The following NRXN1 variants were observed in gnomAD, a reference collection of about 807,000 sequenced individuals.
The protein encoded by NRXN1 is neurexin-1.
In NRXN1, 39 loss-of-function variants were observed where a neutral mutation model predicts 150.9. The observed-to-expected ratio is 0.26, with a 90% CI of 0.20 to 0.34. The LOEUF (loss-of-function observed/expected upper bound fraction) is 0.34. Among genes scored for constraint, NRXN1 ranks in the 10% least tolerant of loss-of-function variants. NRXN1 has a pLI of 1.00. For synonymous variants in NRXN1, 924 were observed against 757.0 expected (o/e 1.22, Z -3.62); for missense variants, 1,815 against 1,949.9 (o/e 0.93, Z 1.30).
At chr2:50,674,138 C>T (rs1220943560) in intron 5 of NRXN1, among the ~76,000 whole-genome samples, 3 of 152,006 alleles carry the variant, frequency 2.0e-5, no homozygotes, top group Non-Finnish European at 2.9e-5. Flanking sequence ...TGTGTAATAA[C>T]AGCCTTAGGA....
At chr2:50,467,563 A>G (rs186772867) in intron 16 of NRXN1, among the ~76,000 whole-genome samples, 65 of 151,604 alleles carry the variant, frequency 4.3e-4, no homozygotes, top group African/African-American at 1.5e-3. Flanking sequence ...AATTTTTAGT[A>G]AAGATACTCT....
chr2:50,671,844 C>A (rs900211889), intron 5 of NRXN1, among the ~76,000 whole-genome samples: 3 of 151,726 alleles, frequency 2.0e-5, no homozygotes, highest in Non-Finnish European at 4.4e-5. Flanking sequence ...CTTTAGAGAA[C>A]AATGGAAATT....
At chr2:50,089,700 G>GA (rs143089662) in intron 19 of NRXN1, among the ~76,000 whole-genome samples, 3,464 of 151,906 alleles carry the variant, frequency 0.023, 132 homozygotes, top group African/African-American at 0.079. Flanking sequence ...CAAGGAAGGA[G>GA]GATCCTGTGA....
rs993911704 is a variant in NRXN1 at position 50,908,922 on chromosome 2, G to C, written c.832+12947C>G. The stretch of plus-strand genomic sequence containing the variant: ...GCAAGAAGGCCCTCACTGGTTGCTA[G>C]TGCCATGCTCTTCGACTTCCCAGCC... On this transcript the variant is annotated intron_variant, in intron 5 of 22. Coordinates refer to ENST00000401669, the MANE Select transcript of NRXN1 (RefSeq NM_001330078.2). 3.3e-5 allele frequency among the ~76,000 whole-genome samples: 5 copies of C among 151,996 alleles called. No homozygotes were observed. The East Asian group carries it at 9.7e-4, about 30-fold the overall frequency.
chr2:50,607,606 A>G (rs931386888), intron 8 of NRXN1, among the ~76,000 whole-genome samples: 5 of 152,184 alleles, frequency 3.3e-5, no homozygotes, highest in African/African-American at 9.7e-5. Context: ...GCCTAAAAAT[A>G]AAGAATATAT....
chr2:50,373,726 A>C lies in NRXN1; in HGVS notation c.3364+91716T>G, dbSNP rs552389552. 3.3e-5 allele frequency among the ~76,000 whole-genome samples: 5 copies of C among 151,750 alleles called. No homozygotes were observed. In the East Asian group the frequency reaches 7.8e-4, roughly 24 times the overall value. ...AAGAAAGAAAGAGAAAGAAAGACAG[A>C]CAGACTAGTCACATATTCTGTATTG... is the stretch of plus-strand genomic sequence containing the variant. On this transcript the variant is annotated intron_variant, in intron 17 of 22. Transcript: ENST00000401669.
At chr2:50,431,893 A>T (rs6545169) in intron 17 of NRXN1, among the ~76,000 whole-genome samples, 1 of 151,820 alleles carries the variant, frequency 6.6e-6, no homozygotes, top group Non-Finnish European at 1.5e-5. Context: ...GCACTTTCAT[A>T]TAGTAAGGCA....
chr2:50,463,345 A>C (rs773531529), intron 17 of NRXN1, among the ~76,000 whole-genome samples: 1 of 151,842 alleles, frequency 6.6e-6, no homozygotes, highest in Non-Finnish European at 1.5e-5. Flanking sequence ...TTGAATATTG[A>C]TTTGTACCTA....
At chr2:50,070,382 G>T (rs1696065767) in intron 19 of NRXN1, among the ~76,000 whole-genome samples, 1 of 152,124 alleles carries the variant, frequency 6.6e-6, no homozygotes, top group African/African-American at 2.4e-5. Flanking sequence ...AAACACCTGT[G>T]ATCATGGGAT....
At chr2:49,970,688 T>C (rs1196934353) in intron 21 of NRXN1, 1 of 152,128 alleles carries the variant, frequency 6.6e-6, no homozygotes, top group African/African-American at 2.4e-5. Context: ...GTAACTCTAG[T>C]GTAAATTTTA....
At chr2:50,304,968 T>A (rs1382520965) in intron 17 of NRXN1, among the ~76,000 whole-genome samples, 1 of 152,094 alleles carries the variant, frequency 6.6e-6, no homozygotes, top group Non-Finnish European at 1.5e-5. Flanking sequence ...CGGGTGCCTG[T>A]AATCCCAGCT....
chr2:50,518,716 T>TA, intron 12 of NRXN1, among the ~76,000 whole-genome samples: 1 of 151,900 alleles, frequency 6.6e-6, no homozygotes, highest in Non-Finnish European at 1.5e-5. Flanking sequence ...AGCATTTTTT[T>TA]AATGAGGTCA....
intron 8 of NRXN1, among the ~76,000 whole-genome samples, chr2:50,592,214 A>G (rs1335302778): frequency 6.6e-6 from 1 of 152,254 alleles, no homozygotes; most frequent in African/African-American, 2.4e-5. Context: ...GGAAATTAAG[A>G]AACTTGTTCA....
intron 18 of NRXN1, among the ~76,000 whole-genome samples, chr2:50,125,081 ACTC>A (rs144155424): frequency 0.023 from 3,447 of 152,134 alleles, 129 homozygotes; most frequent in African/African-American, 0.079. Flanking sequence ...AGTTCTGACT[ACTC>A]CTTGAAATAG....
In NRXN1 at chr2:50,943,183, C is replaced by T. The variant is rs763099821; in HGVS notation, c.773-17228G>A. ...ATGATTGAAAGTCTCCTGAGGCCTC[C>T]CAGCCATGAGGAACTGTAAGTCAAT... On this transcript the variant is annotated intron_variant, in intron 2 of 22. Coordinates refer to ENST00000401669, the MANE Select transcript of NRXN1 (RefSeq NM_001330078.2). Among the ~76,000 whole-genome samples the T allele has an allele frequency of 9.4e-4, 143 of 152,030 alleles. 1 individual carries two copies. The highest frequency in any genetic ancestry group is 1.8e-3 in the Non-Finnish European group (123 of 68,008).
chr2:50,967,839 T>C (rs1258623476), intron 2 of NRXN1, among the ~76,000 whole-genome samples: 1 of 151,966 alleles, frequency 6.6e-6, no homozygotes, highest in Non-Finnish European at 1.5e-5. Flanking sequence ...GTCTGTGTTA[T>C]TTCTGTTAGT....
intron 12 of NRXN1, among the ~76,000 whole-genome samples, chr2:50,515,461 T>A (rs1283189015): frequency 6.6e-6 from 1 of 152,138 alleles, no homozygotes; most frequent in Non-Finnish European, 1.5e-5. Flanking sequence ...AACCAGTCCC[T>A]CATGCCAAAA....
chr2:50,655,842 A>C (rs1348478600), intron 5 of NRXN1, among the ~76,000 whole-genome samples: 1 of 152,004 alleles, frequency 6.6e-6, no homozygotes, highest in African/African-American at 2.4e-5. Flanking sequence ...AAAGAAAAAT[A>C]CTCAAAGAGA....
chr2:50,933,156 A>G (rs532609376), intron 2 of NRXN1, among the ~76,000 whole-genome samples: 1 of 152,280 alleles, frequency 6.6e-6, no homozygotes, highest in South Asian at 2.1e-4. Context: ...ACCACTAGAA[A>G]TCAAAGAAAG....
Sources: gnomAD v4.1 joint callset for allele counts (sites outside exome capture counted in the v4.1 genomes callset) on GRCh38, gnomAD v4.1.1 for gene constraint, MANE v1.5 for transcripts, NCBI Gene and HGNC (gene_info 2026-07-23, HGNC 2026-07-21) for gene names.